Variants in CHM observed in about 807,000 individuals in gnomAD.
CHM encodes the protein CHM Rab escort protein, also known as rab proteins geranylgeranyltransferase component A 1.
Under a neutral mutation model 49.0 loss-of-function variants are expected in CHM, and 10 were observed. The ratio of observed to expected loss-of-function variants is 0.20; its 90% CI spans 0.13 to 0.35. The LOEUF is 0.35. Among genes scored for constraint, CHM ranks in the 10% least tolerant of loss-of-function variants. CHM has a pLI of 1.00. For missense variants in CHM, 455 were observed against 478.4 expected, an observed-to-expected ratio of 0.95 and a Z score of 0.46; for synonymous variants, 184 against 167.5, an observed-to-expected ratio of 1.10 and a Z score of -0.76.
At chrX:85,984,848 A>G (rs959355033) in intron 2 of CHM, among the ~76,000 whole-genome samples, 13 of 112,581 alleles carry the variant, frequency 1.2e-4, no homozygotes, top group African/African-American at 4.2e-4. Flanking sequence ...GCCAAAGAGT[A>G]CATACTATAT....
chrX:85,976,131 T>C (rs1931241381), intron 4 of CHM, among the ~76,000 whole-genome samples: 1 of 111,711 alleles, frequency 9.0e-6, no homozygotes, highest in East Asian at 2.8e-4. Context: ...ATAAAGAACA[T>C]TATTTAACTT....
rs907132348 is a variant in CHM, at chrX:86,033,719, C to T, written c.50-6162G>A. On this transcript the variant is annotated intron_variant, in intron 1 of 14. Coordinates refer to ENST00000357749, the MANE Select transcript of CHM (RefSeq NM_000390.4). ...TCTTAAGTCTACTTTTTAGTGGCTA[C>T]CATAAAAAGGGAAAAATTGCAAATG... Among the ~76,000 whole-genome samples the T allele has an allele frequency of 5.4e-5, 6 of 111,094 alleles. No individual in the cohort carries two copies. The Admixed American group carries it at 5.8e-4, about 11-fold the overall frequency.
At chrX:85,876,306 AAT>A (rs752244952) in intron 13 of CHM, among the ~76,000 whole-genome samples, 4 of 111,816 alleles carry the variant, frequency 3.6e-5, no homozygotes, top group Admixed American at 2.9e-4. Context: ...ATGCCCAAAT[AAT>A]GTTATTCCTT....
At position 85,861,708 on chromosome X, in the gene CHM, A is replaced by ACC. The variant is rs926541586; in HGVS notation, c.*2921_*2922insGG. On this transcript the variant is annotated 3_prime_UTR_variant, in exon 15 of 15. Transcript: ENST00000357749. ...GCAGGCACACCAACTAGGAAAAAAT[A>ACC]CAATAGCAACATAGGATTAGGTATT... 6.3e-5 allele frequency: 7 copies of ACC among 111,898 alleles called. No homozygotes were observed. Among genetic ancestry groups the ACC allele is most frequent in the African/African-American group, 2.3e-4 (7 of 30,806 alleles). The allele number at this position is 111,898 out of a possible 1,213,427, so 9.2% of individuals were successfully genotyped here.
At chrX:86,026,606 T>C (rs1161690889) in intron 2 of CHM, among the ~76,000 whole-genome samples, 1 of 112,045 alleles carries the variant, frequency 8.9e-6, no homozygotes, top group East Asian at 2.8e-4. Context: ...TCCCAAATCT[T>C]AGCTATTATA....
intron 12 of CHM, among the ~76,000 whole-genome samples, chrX:85,884,406 A>C (rs1924958613): frequency 1.8e-5 from 2 of 111,095 alleles, no homozygotes; most frequent in Non-Finnish European, 1.9e-5. Context: ...TGAGGCAGAT[A>C]GTATCATTAT....
chrX:86,025,967 C>A (rs1326162844), intron 2 of CHM, among the ~76,000 whole-genome samples: 2 of 110,556 alleles, frequency 1.8e-5, no homozygotes, highest in Non-Finnish European at 3.8e-5. Context: ...CTTTTACTAT[C>A]ATTCTACCTT....
intron 8 of CHM, among the ~76,000 whole-genome samples, chrX:85,918,546 A>T (rs1002191376): frequency 8.9e-6 from 1 of 111,733 alleles, no homozygotes; most frequent in African/African-American, 3.3e-5. Context: ...AAATCTTCAC[A>T]TATCAATACT....
intron 2 of CHM, among the ~76,000 whole-genome samples, chrX:85,996,025 T>A (rs889395793): frequency 1.8e-5 from 2 of 112,200 alleles, no homozygotes; most frequent in Admixed American, 9.5e-5. Context: ...CCTATCCCTT[T>A]ATGGTAGTCT....
intron 2 of CHM, among the ~76,000 whole-genome samples, chrX:85,996,253 T>C (rs1932434881): frequency 8.9e-6 from 1 of 112,336 alleles, no homozygotes; most frequent in African/African-American, 3.2e-5. Context: ...TAATTGAGCA[T>C]CTATACAAAG....
chrX:85,885,502 T>A (rs894487442), intron 12 of CHM, among the ~76,000 whole-genome samples: 7 of 110,827 alleles, frequency 6.3e-5, no homozygotes, highest in Non-Finnish European at 3.8e-5. Context: ...GAATAATATA[T>A]CTTTAAAACA....
intron 7 of CHM, among the ~76,000 whole-genome samples, chrX:85,957,081 A>G (rs1024692336): frequency 8.9e-6 from 1 of 112,385 alleles, no homozygotes; most frequent in East Asian, 2.8e-4. Context: ...GGATAACAAC[A>G]TGACAGTACC....
chrX:85,950,200 A>G (rs1171021220), intron 8 of CHM, among the ~76,000 whole-genome samples: 3 of 93,604 alleles, frequency 3.2e-5, no homozygotes, highest in African/African-American at 1.2e-4. Flanking sequence ...GCTAAGGAAA[A>G]GCATTGCACA....
At chrX:85,918,827 A>C (rs1603250623) in intron 8 of CHM, among the ~76,000 whole-genome samples, 1 of 112,229 alleles carries the variant, frequency 8.9e-6, no homozygotes, top group South Asian at 3.7e-4. Context: ...TTCAATAAAA[A>C]GACTTAACTA....
At chrX:85,979,268 CT>C (rs760552710) in intron 3 of CHM, among the ~76,000 whole-genome samples, 329 of 110,600 alleles carry the variant, frequency 3.0e-3, no homozygotes, top group African/African-American at 9.0e-3. Context: ...AAAACAGGGC[CT>C]TTTTTTTAAC....
chrX:85,986,232 G>C (rs5967662), intron 2 of CHM, among the ~76,000 whole-genome samples: 18,894 of 110,484 alleles, frequency 0.17, 1,557 homozygotes, highest in Non-Finnish European at 0.25. Flanking sequence ...ATCTCTCTGG[G>C]GTGGAGCCCC....
rs768864647 is a variant in CHM at position 85,978,886 on chromosome X, G to A, written c.195C>T (p.Asn65=). ...LLSWLKEYQE[N]SDIVSDSPVW... ...CTGGACTGTCACTTACAATGTCACTGTTTTCCTAAACAAAACACAGATAAG... is the reference window on the plus strand; with the variant it reads ...CTGGACTGTCACTTACAATGTCACTATTTTCCTAAACAAAACACAGATAAG... The change falls in exon 4 of 15, where the codon AAC becomes AAT. Residue 65 remains asparagine (N), a synonymous_variant. Coordinates refer to ENST00000357749, the MANE Select transcript of CHM (RefSeq NM_000390.4). 4 of 1,202,566 alleles carry A rather than the reference G, an allele frequency of 3.3e-6. No individual in the cohort carries two copies. The highest frequency in any genetic ancestry group is 1.1e-6 in the Non-Finnish European group (1 of 890,170).
chrX:85,897,014 TATATA>T (rs775268274), intron 11 of CHM, among the ~76,000 whole-genome samples: 110 of 95,634 alleles, frequency 1.2e-3, no homozygotes, highest in South Asian at 6.7e-3. Flanking sequence ...ATACATATAA[TATATA>T]ATATATTAAT....
intron 4 of CHM, chrX:85,969,491 C>CA: frequency 1.6e-6 from 1 of 622,556 alleles, no homozygotes; most frequent in South Asian, 8.3e-5. Context: ...AGAACTCTCA[C>CA]ACACTGTTGG....
Sources: allele counts gnomAD v4.1 joint callset (sites outside exome capture counted in the v4.1 genomes callset), GRCh38; gene constraint gnomAD v4.1.1; transcripts MANE v1.5; gene names NCBI Gene and HGNC (gene_info 2026-07-23, HGNC 2026-07-21).